The following TTC6 variants were observed in gnomAD, a reference collection of about 807,000 sequenced individuals.
TTC6 encodes tetratricopeptide repeat protein 6.
In TTC6, 172 loss-of-function variants were observed where a neutral mutation model predicts 210.4. That is an observed-to-expected ratio of 0.82 (90% CI 0.72 to 0.93). The LOEUF is 0.93. TTC6 is among the 40% of genes least tolerant of loss of function. The pLI is 0.00. For missense variants in TTC6, 2,414 were observed against 2,318.1 expected (o/e 1.04, Z -0.85); for synonymous variants, 804 against 819.6 (o/e 0.98, Z 0.32).
intron 29 of TTC6, among the ~76,000 whole-genome samples, chr14:37,835,269 A>G (rs1035518468): frequency 3.3e-5 from 5 of 152,114 alleles, no homozygotes; most frequent in Non-Finnish European, 7.4e-5. Context: ...TTCATTGTAG[A>G]AATACTATTT....
intron 11 of TTC6, 32 bp from the exon 14 acceptor site, chr14:37,749,682 A>G (rs1398953566): frequency 3.0e-6 from 4 of 1,312,292 alleles, no homozygotes; most frequent in Non-Finnish European, 3.9e-6. Flanking sequence ...TAACAAATCA[A>G]CTTTAACTGA....
chr14:37,632,394 A>G (rs1193887510), intron 1 of TTC6, among the ~76,000 whole-genome samples: 2 of 152,030 alleles, frequency 1.3e-5, no homozygotes, highest in African/African-American at 4.8e-5. Context: ...GGTCTGCTGG[A>G]GTTTGCTGGA....
chr14:37,761,912 T>C (rs2095985749), intron 14 of TTC6, among the ~76,000 whole-genome samples: 1 of 152,176 alleles, frequency 6.6e-6, no homozygotes. Context: ...ATCCGTCACC[T>C]CAAATACTTA....
At chr14:37,740,635 G>A (rs567049045) in intron 10 of TTC6, among the ~76,000 whole-genome samples, 2 of 152,260 alleles carry the variant, frequency 1.3e-5, no homozygotes, top group East Asian at 3.9e-4. Flanking sequence ...CAACCATAGC[G>A]GAGAATGCCA....
chr14:37,812,596 A>T (rs548169799), intron 25 of TTC6, among the ~76,000 whole-genome samples, 163 bp downstream of exon 27: 10,316 of 152,256 alleles, frequency 0.068, 519 homozygotes, highest in South Asian at 0.13. Context: ...CTCTTTGAAA[A>T]AATGTATATT....
Position 37,735,918 on chromosome 14 carries a change from C to T in TTC6, c.1819-3C>T. 2 of 1,511,344 alleles carry T rather than the reference C, an allele frequency of 1.3e-6. No individual in the cohort carries two copies. The highest frequency in any genetic ancestry group is 1.8e-6 in the Non-Finnish European group (2 of 1,127,694). The allele number at this position is 1,511,344 out of a possible 1,614,324, so 93.6% of individuals were successfully genotyped here. A position where few individuals can be genotyped will look rare whatever the true frequency, so the allele number is the denominator to read the frequency against. Reference sequence around the variant, plus strand: ...ATTTAAAATTGTTATCTTTTTATCACAGAGTGTTCAAGCAAGCAGACTTTT... The same window carrying T: ...ATTTAAAATTGTTATCTTTTTATCATAGAGTGTTCAAGCAAGCAGACTTTT... On this transcript the variant is annotated splice_region_variant and splice_polypyrimidine_tract_variant and intron_variant, in intron 7 of 30. Coordinates refer to ENST00000553443, the Ensembl canonical transcript of TTC6.
intron 1 of TTC6, among the ~76,000 whole-genome samples, chr14:37,650,855 T>C (rs531002224): frequency 5.9e-4 from 90 of 152,340 alleles, no homozygotes; most frequent in African/African-American, 2.0e-3. Context: ...CAGAATACCT[T>C]TGGGCAATTT....
chr14:37,637,547 A>C (rs1427317387), intron 1 of TTC6, among the ~76,000 whole-genome samples: 1 of 152,140 alleles, frequency 6.6e-6, no homozygotes, highest in African/African-American at 2.4e-5. Flanking sequence ...AGGCAGGAGG[A>C]TCTCTCGAAC....
chr14:37,612,740 T>C (rs2095636675), intron 2 of TTC6, among the ~76,000 whole-genome samples: 2 of 152,182 alleles, frequency 1.3e-5, no homozygotes, highest in African/African-American at 4.8e-5. Context: ...TTATGTTTTG[T>C]GGAGGCACTA....
intron 7 of TTC6, among the ~76,000 whole-genome samples, chr14:37,730,295 T>C (rs1377343484): frequency 6.6e-6 from 1 of 152,224 alleles, no homozygotes; most frequent in African/African-American, 2.4e-5. Context: ...TTTTAAAAAA[T>C]AAAATTCAGT....
chr14:37,807,690 A>G (rs1402031342), intron 23 of TTC6, among the ~76,000 whole-genome samples: 2 of 152,122 alleles, frequency 1.3e-5, no homozygotes, highest in Non-Finnish European at 2.9e-5. Context: ...TATTTTTATT[A>G]AGAATGTAGC....
At chr14:37,829,732 T>C (rs911576102) in intron 29 of TTC6, among the ~76,000 whole-genome samples, 3 of 152,026 alleles carry the variant, frequency 2.0e-5, no homozygotes, top group Admixed American at 6.6e-5. Context: ...GATTCCAGGC[T>C]AGAAGCTGGT....
At chr14:37,825,794 A>G (rs2096169673) in intron 27 of TTC6, among the ~76,000 whole-genome samples, 1 of 152,058 alleles carries the variant, frequency 6.6e-6, no homozygotes, top group Non-Finnish European at 1.5e-5. Flanking sequence ...TATATTATGT[A>G]TATATTATCT....
intron 17 of TTC6, among the ~76,000 whole-genome samples, chr14:37,794,257 CA>C (rs1185977801): frequency 3.9e-5 from 6 of 152,112 alleles, no homozygotes; most frequent in Non-Finnish European, 7.4e-5. Context: ...AGAAATTTTC[CA>C]ATTTGTTTAA....
chr14:37,626,854 G>T (rs138558734), intron 1 of TTC6, among the ~76,000 whole-genome samples: 1 of 152,160 alleles, frequency 6.6e-6, no homozygotes, highest in Non-Finnish European at 1.5e-5. Context: ...TAAATACTGC[G>T]GAAAAACCTA....
At chr14:37,680,838 A>C (rs533150224) in intron 2 of TTC6, among the ~76,000 whole-genome samples, 1 of 152,180 alleles carries the variant, frequency 6.6e-6, no homozygotes, top group African/African-American at 2.4e-5. Context: ...CTCTACAAAG[A>C]GTTCATAAAA....
intron 14 of TTC6, among the ~76,000 whole-genome samples, chr14:37,762,188 T>C (rs1028302796): frequency 6.6e-6 from 1 of 152,208 alleles, no homozygotes; most frequent in Non-Finnish European, 1.5e-5. Context: ...TAGTATTTAA[T>C]TGTGTATATA....
chr14:37,798,391 A>G (rs900020126), intron 20 of TTC6, among the ~76,000 whole-genome samples: 2 of 66,426 alleles, frequency 3.0e-5, no homozygotes, highest in Non-Finnish European at 1.0e-4. Context: ...TATAAAGGGT[A>G]TCTTTAAAAA....
intron 1 of TTC6, among the ~76,000 whole-genome samples, chr14:37,675,338 GTCTAGCTT>G (rs1384838549): frequency 4.6e-5 from 7 of 152,114 alleles, no homozygotes; most frequent in African/African-American, 1.7e-4. Flanking sequence ...GACCTGTGGT[GTCTAGCTT>G]CTTTCAATTA....
Sources: gnomAD v4.1 joint callset for allele counts (sites outside exome capture counted in the v4.1 genomes callset) on GRCh38, gnomAD v4.1.1 for gene constraint, MANE v1.5 for transcripts, NCBI Gene and HGNC (gene_info 2026-07-23, HGNC 2026-07-21) for gene names.